SKAP1: variants seen among roughly 807,000 people sequenced by gnomAD.
The protein encoded by SKAP1 is src kinase-associated phosphoprotein 1.
Under a neutral mutation model 58.5 loss-of-function variants are expected in SKAP1, and 44 were observed. The ratio of observed to expected loss-of-function variants is 0.75; its 90% confidence interval spans 0.59 to 0.97. The LOEUF (loss-of-function observed/expected upper bound fraction) is 0.97, where lower values mean the gene tolerates loss of function less well. SKAP1 is among the 50% of genes least tolerant of loss of function. The pLI is 0.00. For missense variants in SKAP1, 390 were observed against 435.2 expected (o/e 0.90, Z 0.92); for synonymous variants, 127 against 149.7 (o/e 0.85, Z 1.11).
At chr17:48,327,718 T>A (rs1218889926) in intron 4 of SKAP1, among the ~76,000 whole-genome samples, 5 of 152,112 alleles carry the variant, frequency 3.3e-5, no homozygotes, top group African/African-American at 9.7e-5. Context: ...AGCCTCAACC[T>A]CCTGGGCTCA....
At chr17:48,240,432 GC>G (rs2065233211) in intron 4 of SKAP1, among the ~76,000 whole-genome samples, 1 of 149,972 alleles carries the variant, frequency 6.7e-6, no homozygotes. Context: ...ATAAAAAAAA[GC>G]AAAAAAGCAG....
At chr17:48,297,093 T>C (rs1287010195) in intron 4 of SKAP1, among the ~76,000 whole-genome samples, 1 of 152,184 alleles carries the variant, frequency 6.6e-6, no homozygotes, top group Non-Finnish European at 1.5e-5. Flanking sequence ...TACCCTGTTG[T>C]TGACTGACTA....
At chr17:48,424,958 A>G (rs932939290) in intron 1 of SKAP1, among the ~76,000 whole-genome samples, 3 of 144,768 alleles carry the variant, frequency 2.1e-5, no homozygotes, top group Admixed American at 6.9e-5. Flanking sequence ...AAAGAAAAAG[A>G]AAATGAAAAC....
At chr17:48,363,870 T>C (rs2066968727) in intron 2 of SKAP1, 56 bp from the exon 3 acceptor site, 1 of 1,534,716 alleles carries the variant, frequency 6.5e-7, no homozygotes. Flanking sequence ...TTTCTCAATT[T>C]TGGTTGGCCT....
intron 4 of SKAP1, among the ~76,000 whole-genome samples, chr17:48,341,945 CAGA>C (rs1294757202): frequency 6.6e-6 from 1 of 151,862 alleles, no homozygotes; most frequent in African/African-American, 2.4e-5. Context: ...CTTTTTCTTC[CAGA>C]AGGAGTCACT....
intron 11 of SKAP1, among the ~76,000 whole-genome samples, chr17:48,141,410 C>G (rs1378210196): frequency 2.0e-5 from 3 of 149,348 alleles, no homozygotes; most frequent in Non-Finnish European, 4.4e-5. Context: ...TGAGCCATAG[C>G]CCCTGTTGCC....
chr17:48,385,478 T>G (rs1044415743), intron 2 of SKAP1, among the ~76,000 whole-genome samples: 1 of 151,966 alleles, frequency 6.6e-6, no homozygotes, highest in Non-Finnish European at 1.5e-5. Context: ...AAAGAGGAAG[T>G]CTCTACATCA....
At chr17:48,220,468 C>G (rs973679916) in intron 4 of SKAP1, among the ~76,000 whole-genome samples, 2 of 152,098 alleles carry the variant, frequency 1.3e-5, no homozygotes, top group African/African-American at 4.8e-5. Flanking sequence ...TAGTATGAAT[C>G]TGTTCATATG....
chr17:48,262,416 G>A (rs1440171685), intron 4 of SKAP1, among the ~76,000 whole-genome samples: 1 of 152,050 alleles, frequency 6.6e-6, no homozygotes, highest in African/African-American at 2.4e-5. Flanking sequence ...TTTTTTGGGG[G>A]GGAAGTTTAA....
intron 4 of SKAP1, among the ~76,000 whole-genome samples, chr17:48,190,458 C>T (rs2064526101): frequency 1.3e-5 from 2 of 152,096 alleles, no homozygotes; most frequent in African/African-American, 4.8e-5. Context: ...TTGGATAAAC[C>T]TCACTGAGAT....
intron 11 of SKAP1, among the ~76,000 whole-genome samples, chr17:48,148,133 A>G (rs1408157318): frequency 6.6e-6 from 1 of 152,170 alleles, no homozygotes; most frequent in African/African-American, 2.4e-5. Flanking sequence ...GTGGGAGTGG[A>G]TAATGATCAA....
Position 48,165,149 on chromosome 17 carries a change from T to C in SKAP1, c.878-2580A>G, listed in dbSNP as rs772046973. ...GAGAAGTTGAGGACGCTGTGTGTAA[T>C]AGGGAATCTAACATAGTTTGAGGGG... On this transcript the variant is annotated intron_variant, in intron 10 of 12. Coordinates refer to ENST00000336915, the MANE Select transcript of SKAP1 (RefSeq NM_003726.4). Among the ~76,000 whole-genome samples, 30 of 152,314 alleles carry C rather than the reference T, an allele frequency of 2.0e-4. 1 individual carries two copies. The highest frequency in any genetic ancestry group is 8.8e-5 in the Non-Finnish European group (6 of 68,028).
intron 2 of SKAP1, among the ~76,000 whole-genome samples, chr17:48,391,899 T>C (rs780745143): frequency 4.0e-5 from 6 of 151,818 alleles, no homozygotes; most frequent in Non-Finnish European, 8.8e-5. Context: ...AACATAAATG[T>C]ATTAATAGCA....
At chr17:48,397,964 G>T (rs1041520923) in intron 1 of SKAP1, among the ~76,000 whole-genome samples, 4 of 152,120 alleles carry the variant, frequency 2.6e-5, no homozygotes, top group African/African-American at 9.7e-5. Context: ...CTGCACAAAA[G>T]GTTTGTCATC....
intron 9 of SKAP1, among the ~76,000 whole-genome samples, 176 bp from the exon 10 acceptor site, chr17:48,170,835 T>C (rs575902023): frequency 6.6e-6 from 1 of 151,932 alleles, no homozygotes; most frequent in Non-Finnish European, 1.5e-5. Flanking sequence ...CTCAGCCCCC[T>C]GAGGAGCTAG....
At chr17:48,283,345 T>A (rs1221443208) in intron 4 of SKAP1, among the ~76,000 whole-genome samples, 1 of 152,200 alleles carries the variant, frequency 6.6e-6, no homozygotes, top group Non-Finnish European at 1.5e-5. Context: ...TTTAGATGCA[T>A]ATATCATTAA....
intron 4 of SKAP1, among the ~76,000 whole-genome samples, chr17:48,311,394 A>G (rs924163632): frequency 6.6e-6 from 1 of 151,964 alleles, no homozygotes. Flanking sequence ...CGTAACTGCT[A>G]TATTTTCCAC....
intron 4 of SKAP1, among the ~76,000 whole-genome samples, chr17:48,261,924 T>A (rs570592906): frequency 6.6e-6 from 1 of 152,192 alleles, no homozygotes; most frequent in Non-Finnish European, 1.5e-5. Flanking sequence ...TGGAAAGGCG[T>A]TGGATCAATT....
At chr17:48,248,142 T>A (rs2065317773) in intron 4 of SKAP1, among the ~76,000 whole-genome samples, 1 of 152,188 alleles carries the variant, frequency 6.6e-6, no homozygotes, top group South Asian at 2.1e-4. Flanking sequence ...TAGAACTGAT[T>A]AGCTATATTT....
Sources: gnomAD v4.1 joint callset for allele counts (sites outside exome capture counted in the v4.1 genomes callset) on GRCh38, gnomAD v4.1.1 for gene constraint, MANE v1.5 for transcripts, NCBI Gene and HGNC (gene_info 2026-07-23, HGNC 2026-07-21) for gene names.